ADAMTS9: variants seen among roughly 807,000 people sequenced by gnomAD.
The protein encoded by ADAMTS9 is A disintegrin and metalloproteinase with thrombospondin motifs 9.
A neutral mutation model predicts 257.1 loss-of-function variants in ADAMTS9; 107 were observed. That is an observed-to-expected ratio of 0.42 (90% CI 0.36 to 0.49). The LOEUF (loss-of-function observed/expected upper bound fraction) is 0.49. Among genes scored for constraint, ADAMTS9 ranks in the 20% least tolerant of loss-of-function variants. The pLI, the probability that ADAMTS9 is intolerant of heterozygous loss-of-function variation, is 0.03. For synonymous variants in ADAMTS9, 982 were observed against 880.9 expected, an observed-to-expected ratio of 1.11 and a Z score of -2.03; for missense variants, 2,353 against 2,469.1, an observed-to-expected ratio of 0.95 and a Z score of 1.00.
chr3:64,538,034 CAGA>C (rs2083071778), intron 37 of ADAMTS9, among the ~76,000 whole-genome samples: 1 of 152,230 alleles, frequency 6.6e-6, no homozygotes, highest in African/African-American at 2.4e-5. Flanking sequence ...AGCCATCCAA[CAGA>C]AGATGATGAA....
intron 28 of ADAMTS9, among the ~76,000 whole-genome samples, chr3:64,579,383 CTAATT>C (rs1343655079): frequency 6.6e-6 from 1 of 152,144 alleles, no homozygotes; most frequent in Non-Finnish European, 1.5e-5. Context: ...TAATTAAGCT[CTAATT>C]TAATTTAATC....
intron 12 of ADAMTS9, among the ~76,000 whole-genome samples, chr3:64,635,455 G>C (rs547353726): frequency 6.6e-6 from 1 of 152,318 alleles, no homozygotes; most frequent in African/African-American, 2.4e-5. Context: ...ACTGCATCTA[G>C]GGATGTAAAA....
intron 19 of ADAMTS9, among the ~76,000 whole-genome samples, chr3:64,620,275 A>G (rs965043000): frequency 6.6e-6 from 1 of 152,194 alleles, no homozygotes; most frequent in African/African-American, 2.4e-5. Context: ...AATCTGCCCT[A>G]AAGCACTACA....
At chr3:64,683,992 C>T (rs916846323) in intron 2 of ADAMTS9, among the ~76,000 whole-genome samples, 8 of 151,968 alleles carry the variant, frequency 5.3e-5, no homozygotes, top group Admixed American at 5.2e-4. Context: ...TATACACCTC[C>T]AAAGAAGGGT....
intron 38 of ADAMTS9, among the ~76,000 whole-genome samples, chr3:64,528,551 G>A (rs947387700): frequency 6.6e-6 from 1 of 152,074 alleles, no homozygotes; most frequent in Non-Finnish European, 1.5e-5. Flanking sequence ...TGTCTCACAC[G>A]ACTTATTCCT....
At position 64,568,535 on chromosome 3, in the gene ADAMTS9, A is replaced by G. The variant is rs1390361046; in HGVS notation, c.4357T>C (p.Cys1453Arg). 6.2e-7 allele frequency: 1 copy of G among 1,611,512 alleles called. No homozygotes were observed. The highest frequency in any genetic ancestry group is 8.5e-7 in the Non-Finnish European group (1 of 1,179,388). Reference sequence around the variant, plus strand: ...TGCCCTCGACCACAAGAGACAGAACACTGCAATATAAAGCAATGGCAAGGT... The same window carrying G: ...TGCCCTCGACCACAAGAGACAGAACGCTGCAATATAAAGCAATGGCAAGGT... Reference protein sequence around the residue: ...AAWSTGPWSSCSVSCGRGHKQ... With the variant: ...AAWSTGPWSSRSVSCGRGHKQ... The change falls in exon 29 of 40, where the codon TGT (cysteine) becomes CGT (arginine). Residue 1453 changes from cysteine (C) to arginine (R), a missense_variant and splice_region_variant. By Grantham distance (180) the Cys-to-Arg change is radical. This residue lies in a region of ADAMTS9 where 1,402 missense variants were observed against 1,441.4 expected (regional missense o/e 0.97). Transcript: ENST00000498707.
chr3:64,567,429 GA>G (rs2083572312), intron 29 of ADAMTS9, among the ~76,000 whole-genome samples: 1 of 152,176 alleles, frequency 6.6e-6, no homozygotes, highest in Non-Finnish European at 1.5e-5. Context: ...ATTAAATACA[GA>G]ATGTTTTAAA....
At chr3:64,594,684 A>G (rs992914668) in intron 27 of ADAMTS9, among the ~76,000 whole-genome samples, 19 of 152,296 alleles carry the variant, frequency 1.2e-4, no homozygotes, top group African/African-American at 4.6e-4. Flanking sequence ...ATATTATCTA[A>G]TCAAGAGGAG....
rs200385291 is a variant in ADAMTS9 at position 64,529,982 on chromosome 3, A to ATTTTTT, written c.5718+3178_5718+3183dup. Among the ~76,000 whole-genome samples the ATTTTTT allele has an allele frequency of 3.2e-3, 338 of 106,438 alleles. 1 individual carries two copies. The highest frequency in any genetic ancestry group is 9.8e-3 in the Middle Eastern group (1 of 102). The allele number at this position is 106,438 out of a possible 152,430, so 69.8% of individuals were successfully genotyped here. A position where few individuals can be genotyped will look rare whatever the true frequency, so the allele number is the denominator to read the frequency against. On this transcript the variant is annotated intron_variant, in intron 38 of 39. Coordinates refer to ENST00000498707, the MANE Select transcript of ADAMTS9 (RefSeq NM_182920.2). ...GCACACCACCACAGTCAGTTATTTA[A>ATTTTTT]TTTTTTTTTTTTTTTTTTTTTTGTA... is the stretch of plus-strand genomic sequence containing the variant.
intron 25 of ADAMTS9, among the ~76,000 whole-genome samples, chr3:64,603,066 G>A (rs1380104167): frequency 6.6e-6 from 1 of 152,148 alleles, no homozygotes; most frequent in East Asian, 1.9e-4. Context: ...ACTATTTATT[G>A]AGTAGTACTT....
chr3:64,577,165 C>T (rs930863018), intron 28 of ADAMTS9, among the ~76,000 whole-genome samples: 2 of 152,010 alleles, frequency 1.3e-5, no homozygotes, highest in Admixed American at 6.6e-5. Flanking sequence ...AAACAAAAAC[C>T]AAGGAAATCT....
Position 64,687,508 on chromosome 3 carries a change from G to T in ADAMTS9, c.115+35C>A. 6.7e-7 allele frequency: 1 copy of T among 1,487,390 alleles called. No individual in the cohort carries two copies. Among genetic ancestry groups the T allele is most frequent in the Non-Finnish European group, 9.0e-7 (1 of 1,108,340 alleles). 92.1% of individuals were successfully genotyped at this position (1,487,390 alleles called of 1,614,324 possible). On this transcript the variant is annotated intron_variant, in intron 1 of 39. Transcript: ENST00000498707. The surrounding 1 kb of genome is among the most constrained non-coding windows in gnomAD (Gnocchi z 4.4). ...AGCGAGGACCGGGAGGCGGCGTCGG[G>T]GCCGGCGGGGTCCCGGGGGCCGGAG...
In ADAMTS9 at chr3:64,603,934, C is replaced by G; in HGVS notation, c.3735G>C (p.Leu1245Phe). Residue 1245 changes from leucine (L) to phenylalanine (F), a missense_variant, in exon 25 of 40, where the codon TTG (leucine) becomes TTC (phenylalanine). Coordinates refer to ENST00000498707, the MANE Select transcript of ADAMTS9 (RefSeq NM_182920.2). ...SVTPCGQWKA[L>F]DWSSCSVTCG... Reference sequence around the variant, plus strand: ...TCCACTGGCTTACAGAGCTCCAGTCCAAGGCCTTCCATTGCCCACAGGGTG... The same window carrying G: ...TCCACTGGCTTACAGAGCTCCAGTCGAAGGCCTTCCATTGCCCACAGGGTG... The G allele has an allele frequency of 6.2e-7, 1 of 1,613,910 alleles. No homozygotes were observed. Among genetic ancestry groups the G allele is most frequent in the Non-Finnish European group, 8.5e-7 (1 of 1,179,918 alleles).
chr3:64,664,667 T>C (rs1701308604), intron 3 of ADAMTS9, among the ~76,000 whole-genome samples: 1 of 152,196 alleles, frequency 6.6e-6, no homozygotes, highest in South Asian at 2.1e-4. Context: ...TGTTTATCCA[T>C]TCATCATTGG....
intron 16 of ADAMTS9, among the ~76,000 whole-genome samples, chr3:64,626,534 A>C (rs1700226280): frequency 6.6e-6 from 1 of 152,174 alleles, no homozygotes; most frequent in African/African-American, 2.4e-5. Flanking sequence ...ATTGGAGAGT[A>C]CCAAAGGTGG....
At chr3:64,670,165 T>C (rs1701452143) in intron 3 of ADAMTS9, among the ~76,000 whole-genome samples, 1 of 152,186 alleles carries the variant, frequency 6.6e-6, no homozygotes, top group Non-Finnish European at 1.5e-5. Flanking sequence ...TGGCTCTCTC[T>C]TTCTCTCCTG....
chr3:64,630,573 T>C (rs960520859), intron 16 of ADAMTS9, among the ~76,000 whole-genome samples: 3 of 152,030 alleles, frequency 2.0e-5, no homozygotes, highest in African/African-American at 7.2e-5. Context: ...TGAGACCCTG[T>C]CCCAAAAATA....
chr3:64,539,220 C>T lies in ADAMTS9; in HGVS notation c.5596G>A (p.Ala1866Thr), dbSNP rs755581538. The T allele has an allele frequency of 4.3e-6, 7 of 1,613,868 alleles. No homozygotes were observed. Among genetic ancestry groups the T allele is most frequent in the East Asian group, 2.2e-5 (1 of 44,868 alleles). The change falls in exon 37 of 40, where the codon GCT (alanine) becomes ACT (threonine). Residue 1866 changes from alanine to threonine, a missense_variant. By Grantham distance (58) the Ala-to-Thr change is moderately conservative (BLOSUM62 0). Transcript: ENST00000498707. ...GGACATACCTGTGGGCACTTGGCAG[C>T]GCTGTAGCAATCCCCGGCTGTGGCA... ...PFATAGDCYS[A>T]AKCPQGRFSI...
chr3:64,627,749 G>T (rs1212235248), intron 16 of ADAMTS9, among the ~76,000 whole-genome samples: 1 of 152,018 alleles, frequency 6.6e-6, no homozygotes, highest in Admixed American at 6.6e-5. Context: ...GCTACAAAAG[G>T]CCCTCTCTCC....
Sources: gnomAD v4.1 joint callset for allele counts (sites outside exome capture counted in the v4.1 genomes callset) on GRCh38, gnomAD v4.1.1 for gene constraint, gnomAD v4.1.1 regional missense constraint, Gnocchi (gnomAD v3.1) non-coding constraint, MANE v1.5 for transcripts, NCBI Gene and HGNC (gene_info 2026-07-23, HGNC 2026-07-21) for gene names.